The following ZEB1 variants were observed in gnomAD, a reference collection of about 807,000 sequenced individuals.
ZEB1 encodes the protein zinc finger E-box-binding homeobox 1.
Under a neutral mutation model 84.9 loss-of-function variants are expected in ZEB1, and 21 were observed. The ratio of observed to expected loss-of-function variants is 0.25; its 90% CI spans 0.18 to 0.36. The LOEUF is 0.36. Among genes scored for constraint, ZEB1 ranks in the 10% least tolerant of loss-of-function variants. The probability of loss-of-function intolerance (pLI) is 1.00; values close to 1 mark genes in which losing one functional copy is unlikely to be tolerated. For missense variants in ZEB1, 1,104 were observed against 1,330.2 expected (o/e 0.83, Z 2.65); for synonymous variants, 420 against 471.1 (o/e 0.89, Z 1.41).
At chr10:31,513,378 G>C (rs2070454594) in intron 5 of ZEB1, among the ~76,000 whole-genome samples, 1 of 152,150 alleles carries the variant, frequency 6.6e-6, no homozygotes, top group South Asian at 2.1e-4. Context: ...TTGCAGGAGG[G>C]AAATTAAGAG....
intron 1 of ZEB1, among the ~76,000 whole-genome samples, chr10:31,368,139 C>T (rs1299881067): frequency 6.6e-6 from 1 of 151,430 alleles, no homozygotes; most frequent in African/African-American, 2.4e-5. Flanking sequence ...CTATGCATAT[C>T]CTCTCATGTA....
chr10:31,436,843 T>G (rs2058347061), intron 1 of ZEB1, among the ~76,000 whole-genome samples: 1 of 152,326 alleles, frequency 6.6e-6, no homozygotes, highest in East Asian at 1.9e-4. Flanking sequence ...TCTATTTGTT[T>G]GTGTTTTCCA....
chr10:31,455,939 T>C (rs2061160678), intron 1 of ZEB1, among the ~76,000 whole-genome samples: 1 of 152,196 alleles, frequency 6.6e-6, no homozygotes, highest in South Asian at 2.1e-4. Context: ...ATCATGCTGC[T>C]ATAAAGACAC....
At chr10:31,446,667 G>T (rs377282275) in intron 1 of ZEB1, among the ~76,000 whole-genome samples, 2,184 of 151,888 alleles carry the variant, frequency 0.014, 59 homozygotes, top group African/African-American at 0.05. Context: ...CATTTCGTTA[G>T]GTACCCAGTA....
At chr10:31,398,785 C>A (rs2051316502) in intron 1 of ZEB1, among the ~76,000 whole-genome samples, 1 of 152,034 alleles carries the variant, frequency 6.6e-6, no homozygotes, top group African/African-American at 2.4e-5. Flanking sequence ...ACTACACTGT[C>A]CTGTTTTTTT....
At chr10:31,517,529 T>C (rs996846869) in intron 6 of ZEB1, among the ~76,000 whole-genome samples, 5 of 150,394 alleles carry the variant, frequency 3.3e-5, no homozygotes, top group Non-Finnish European at 7.4e-5. Context: ...GTATACATAG[T>C]ATACCGAACT....
At chr10:31,349,694 A>G (rs534203655) in intron 1 of ZEB1, among the ~76,000 whole-genome samples, 1 of 152,162 alleles carries the variant, frequency 6.6e-6, no homozygotes, top group African/African-American at 2.4e-5. Context: ...TATTTCATAT[A>G]CCTGTTGGCA....
chr10:31,495,241 C>T (rs754637508), intron 2 of ZEB1, among the ~76,000 whole-genome samples: 27 of 151,986 alleles, frequency 1.8e-4, no homozygotes, highest in Non-Finnish European at 2.6e-4. Flanking sequence ...AAGTTACTAG[C>T]ACAGTGCCTG....
chr10:31,360,758 T>C (rs1564580389), intron 1 of ZEB1, among the ~76,000 whole-genome samples: 1 of 152,252 alleles, frequency 6.6e-6, no homozygotes, highest in Non-Finnish European at 1.5e-5. Flanking sequence ...GTTCGTAAAT[T>C]AGTGAGTGAT....
intron 2 of ZEB1, among the ~76,000 whole-genome samples, chr10:31,480,376 C>T (rs2064884052): frequency 6.6e-6 from 1 of 151,970 alleles, no homozygotes; most frequent in African/African-American, 2.4e-5. Flanking sequence ...CTATCTAAGC[C>T]TTGAAGCAAA....
chr10:31,341,748 G>A (rs1340996193), intron 1 of ZEB1, among the ~76,000 whole-genome samples: 2 of 152,112 alleles, frequency 1.3e-5, no homozygotes, highest in Non-Finnish European at 2.9e-5. Flanking sequence ...TAGAGAAAAA[G>A]AAGCCCCACA....
At chr10:31,447,646 A>C (rs1388235952) in intron 1 of ZEB1, among the ~76,000 whole-genome samples, 1 of 144,676 alleles carries the variant, frequency 6.9e-6, no homozygotes, top group Non-Finnish European at 1.5e-5. Flanking sequence ...CTTGTGTGTA[A>C]AGGATTTTAT....
Position 31,409,923 on chromosome 10 carries a change from G to A in ZEB1, c.59-51114G>A, listed in dbSNP as rs191803220. On this transcript the variant is annotated intron_variant, in intron 1 of 8. Coordinates refer to ENST00000424869, the MANE Select transcript of ZEB1 (RefSeq NM_001174096.2). ...GGAGATTTGGGGCTGAGACAATGAG[G>A]TTTTCTAAATATGCAATCATGTCAT... is the stretch of plus-strand genomic sequence containing the variant. Among the ~76,000 whole-genome samples the A allele has an allele frequency of 2.4e-4, 37 of 152,320 alleles. 1 individual carries two copies. The highest frequency in any genetic ancestry group is 1.8e-3 in the Admixed American group (27 of 15,292).
At chr10:31,340,834 T>G (rs1324998519) in intron 1 of ZEB1, among the ~76,000 whole-genome samples, 3 of 151,912 alleles carry the variant, frequency 2.0e-5, no homozygotes, top group Non-Finnish European at 2.9e-5. Flanking sequence ...AGATATTGAT[T>G]GTGAGTGCAT....
At chr10:31,382,371 G>A (rs536027407) in intron 1 of ZEB1, among the ~76,000 whole-genome samples, 1 of 152,090 alleles carries the variant, frequency 6.6e-6, no homozygotes, top group South Asian at 2.1e-4. Flanking sequence ...TTCTTAAGAG[G>A]AATACTGAAC....
chr10:31,350,249 T>C (rs1463186889), intron 1 of ZEB1, among the ~76,000 whole-genome samples: 1 of 152,150 alleles, frequency 6.6e-6, no homozygotes, highest in Non-Finnish European at 1.5e-5. Context: ...CTCTCTATTA[T>C]ATTCATATTT....
chr10:31,525,695 G>A (rs2073300421), intron 8 of ZEB1, among the ~76,000 whole-genome samples: 1 of 152,130 alleles, frequency 6.6e-6, no homozygotes, highest in Non-Finnish European at 1.5e-5. Context: ...AGAAAAGATA[G>A]AATTGTTTTT....
At chr10:31,406,403 A>G (rs2053039294) in intron 1 of ZEB1, among the ~76,000 whole-genome samples, 1 of 151,054 alleles carries the variant, frequency 6.6e-6, no homozygotes, top group Non-Finnish European at 1.5e-5. Context: ...GCATGATGAT[A>G]TCTCATTGTG....
chr10:31,417,535 T>C (rs375879586), intron 1 of ZEB1, among the ~76,000 whole-genome samples: 188 of 152,228 alleles, frequency 1.2e-3, no homozygotes, highest in African/African-American at 4.4e-3. Flanking sequence ...GTTCACACCA[T>C]AAGAAAATAT....
Sources: gnomAD v4.1 joint callset for allele counts (sites outside exome capture counted in the v4.1 genomes callset) on GRCh38, gnomAD v4.1.1 for gene constraint, MANE v1.5 for transcripts, NCBI Gene and HGNC (gene_info 2026-07-23, HGNC 2026-07-21) for gene names.